DACH2: variants seen among roughly 807,000 people sequenced by gnomAD.
DACH2 encodes dachshund homolog 2.
In DACH2, 17 loss-of-function variants were observed where a neutral mutation model predicts 35.8. The observed-to-expected ratio is 0.48, with a 90% confidence interval of 0.33 to 0.71. The LOEUF is 0.71. Ranked by LOEUF, DACH2 falls within the 30% of genes least tolerant of loss-of-function variation. The pLI is 0.02. For missense variants in DACH2, 469 were observed against 472.7 expected (o/e 0.99, Z 0.07); for synonymous variants, 195 against 177.3 (o/e 1.10, Z -0.79).
chrX:86,160,434 A>G, intron 1 of DACH2: 1 of 540,058 alleles, frequency 1.9e-6, no homozygotes, highest in South Asian at 2.4e-5. Context: ...GCATCACCGG[A>G]CTTCAAGAAT....
At chrX:86,565,148 C>T (rs1371042061) in intron 3 of DACH2, among the ~76,000 whole-genome samples, 1 of 111,594 alleles carries the variant, frequency 9.0e-6, no homozygotes, top group African/African-American at 3.2e-5. Flanking sequence ...TATTTATCAA[C>T]TTGAAAAATA....
At chrX:86,707,889 T>A (rs1357957396) in intron 5 of DACH2, among the ~76,000 whole-genome samples, 1 of 53,299 alleles carries the variant, frequency 1.9e-5, no homozygotes, top group Non-Finnish European at 3.1e-5. Flanking sequence ...TATTCCAGCC[T>A]GGTGACAGAG....
intron 7 of DACH2, among the ~76,000 whole-genome samples, chrX:86,759,658 T>G (rs1039323490): frequency 4.5e-5 from 5 of 111,053 alleles, no homozygotes; most frequent in African/African-American, 1.6e-4. Flanking sequence ...GTGTGAAGGC[T>G]TATTCCTTGC....
At chrX:86,657,987 G>A (rs762539004) in intron 4 of DACH2, among the ~76,000 whole-genome samples, 117 of 111,376 alleles carry the variant, frequency 1.1e-3, no homozygotes, top group Non-Finnish European at 2.0e-3. Flanking sequence ...AATTGTGGAG[G>A]TACTGGCTTT....
chrX:86,569,997 A>G (rs1031137952), intron 3 of DACH2, among the ~76,000 whole-genome samples: 5 of 112,071 alleles, frequency 4.5e-5, no homozygotes, highest in African/African-American at 1.6e-4. Context: ...AAAGATGAAC[A>G]TCATTGATCG....
At chrX:86,536,884 C>T (rs958094617) in intron 3 of DACH2, among the ~76,000 whole-genome samples, 1 of 111,504 alleles carries the variant, frequency 9.0e-6, no homozygotes, top group African/African-American at 3.3e-5. Context: ...CAAATTTAGA[C>T]TTGTCTCAGA....
intron 11 of DACH2, among the ~76,000 whole-genome samples, chrX:86,825,289 C>T (rs188115736): frequency 4.8e-4 from 53 of 110,377 alleles, no homozygotes; most frequent in African/African-American, 1.1e-3. Context: ...TGATGGCACA[C>T]GCCTGTAGTC....
At chrX:86,417,686 G>A (rs191063729) in intron 2 of DACH2, among the ~76,000 whole-genome samples, 1 of 111,404 alleles carries the variant, frequency 9.0e-6, no homozygotes, top group Admixed American at 9.5e-5. Context: ...GGTGAGATTT[G>A]GGTGGGGACA....
At position 86,283,020 on chromosome X, in the gene DACH2, C is replaced by T. The variant is rs1417866816; in HGVS notation, c.489-93804C>T. Among the ~76,000 whole-genome samples, 4 of 38,660 alleles carry T rather than the reference C, an allele frequency of 1.0e-4. 1 individual carries two copies. The highest frequency in any genetic ancestry group is 1.6e-4 in the Non-Finnish European group (4 of 25,379). The allele number at this position is 38,660 out of a possible 115,157, so 33.6% of individuals were successfully genotyped here. On this transcript the variant is annotated intron_variant, in intron 1 of 11. Coordinates refer to ENST00000373125, the MANE Select transcript of DACH2 (RefSeq NM_053281.3). ...GTCTCGATCTCCTGACCTCGTGATCCGCCCGCCTCGGCCTCCCAAAGTGCT... is the reference window on the plus strand; with the variant it reads ...GTCTCGATCTCCTGACCTCGTGATCTGCCCGCCTCGGCCTCCCAAAGTGCT...
intron 3 of DACH2, among the ~76,000 whole-genome samples, chrX:86,636,965 C>G (rs1455508894): frequency 1.3e-5 from 1 of 78,253 alleles, no homozygotes; most frequent in Non-Finnish European, 2.4e-5. Flanking sequence ...ATACCTGTGA[C>G]AAAGTTCAAA....
In DACH2 at chrX:86,665,623, A is replaced by G. The variant is rs999132952; in HGVS notation, c.772+14456A>G. Among the ~76,000 whole-genome samples, 5 of 112,044 alleles carry G rather than the reference A, an allele frequency of 4.5e-5. No individual in the cohort carries two copies. In the Admixed American group the frequency reaches 4.7e-4, roughly 11 times the overall value. On this transcript the variant is annotated intron_variant, in intron 4 of 11. Transcript: ENST00000373125. ...GCTGCTAATTTATAGCCAACGAAGGAAAAATCACAACCAGCCAATCACGAT... is the reference window on the plus strand; with the variant it reads ...GCTGCTAATTTATAGCCAACGAAGGGAAAATCACAACCAGCCAATCACGAT...
chrX:86,776,016 T>C (rs1281394743), intron 7 of DACH2, among the ~76,000 whole-genome samples: 1 of 111,595 alleles, frequency 9.0e-6, no homozygotes, highest in Non-Finnish European at 1.9e-5. Flanking sequence ...ACCTAGGCCA[T>C]CTGACTTCAG....
intron 3 of DACH2, among the ~76,000 whole-genome samples, chrX:86,524,978 A>T (rs1331514089): frequency 1.8e-5 from 2 of 111,592 alleles, no homozygotes; most frequent in African/African-American, 6.5e-5. Context: ...AACTATTTTC[A>T]ATTGTTTCTC....
At chrX:86,451,265 T>A (rs183162540) in intron 2 of DACH2, among the ~76,000 whole-genome samples, 18 of 112,179 alleles carry the variant, frequency 1.6e-4, no homozygotes, top group Middle Eastern at 4.6e-3. Flanking sequence ...TGGTTTCAAT[T>A]TTCTGCAAAT....
In DACH2 at chrX:86,427,041, C is replaced by G. The variant is rs2036905396; in HGVS notation, c.527+50179C>G. 4.5e-5 allele frequency among the ~76,000 whole-genome samples: 5 copies of G among 111,617 alleles called. No individual in the cohort carries two copies. In the Admixed American group the frequency reaches 4.8e-4, roughly 11 times the overall value. On this transcript the variant is annotated intron_variant, in intron 2 of 11. Coordinates refer to ENST00000373125, the MANE Select transcript of DACH2 (RefSeq NM_053281.3). Reference sequence around the variant, plus strand: ...TGTCAGTTTTCTTTTTGTTATTTCTCTTGCCTAATGACTCCACTTATATCA... The same window carrying G: ...TGTCAGTTTTCTTTTTGTTATTTCTGTTGCCTAATGACTCCACTTATATCA...
At chrX:86,161,077 T>C (rs1181386638) in intron 1 of DACH2, 4 of 1,073,881 alleles carry the variant, frequency 3.7e-6, no homozygotes, top group African/African-American at 1.8e-5. Context: ...CAACCAGAAA[T>C]TGGCACAAAT....
rs55825336 is a variant in DACH2 at position 86,382,461 on chromosome X, T to TACACACACACACACACAC, written c.527+5626_527+5643dup. On this transcript the variant is annotated intron_variant, in intron 2 of 11. Coordinates refer to ENST00000373125, the MANE Select transcript of DACH2 (RefSeq NM_053281.3). ...CAGAGTTGCAAATATGCTACATTCA[T>TACACACACACACACACAC]ACACACACACACACACACACACACA... Among the ~76,000 whole-genome samples, 383 of 94,603 alleles carry TACACACACACACACACAC rather than the reference T, an allele frequency of 4.0e-3. 7 individuals carry two copies. The highest frequency in any genetic ancestry group is 0.015 in the African/African-American group (371 of 25,015). The allele number at this position is 94,603 out of a possible 115,157, so 82.2% of individuals were successfully genotyped here. A position where few individuals can be genotyped will look rare whatever the true frequency, so the allele number is the denominator to read the frequency against.
At chrX:86,289,407 C>A (rs1198225302) in intron 1 of DACH2, among the ~76,000 whole-genome samples, 1 of 92,908 alleles carries the variant, frequency 1.1e-5, no homozygotes, top group Non-Finnish European at 2.3e-5. Flanking sequence ...AAGCAGGTTT[C>A]TTTTATTTAT....
rs4394547 is a variant in DACH2 at position 86,330,385 on chromosome X, C to G, written c.489-46439C>G. On this transcript the variant is annotated intron_variant, in intron 1 of 11. Transcript: ENST00000373125. ...TGAAAATAATTTTAATAAATATTAT[C>G]CCATTTTATTGCCTGCCTTAGCATT... Among the ~76,000 whole-genome samples, 405 of 111,403 alleles carry G rather than the reference C, an allele frequency of 3.6e-3. 5 individuals carry two copies. The highest frequency in any genetic ancestry group is 0.028 in the Admixed American group (296 of 10,415).
Sources: gnomAD v4.1 joint callset for allele counts (sites outside exome capture counted in the v4.1 genomes callset) on GRCh38, gnomAD v4.1.1 for gene constraint, MANE v1.5 for transcripts, NCBI Gene and HGNC (gene_info 2026-07-23, HGNC 2026-07-21) for gene names.